Variants in CDH12 observed in about 807,000 individuals in gnomAD.
The protein encoded by CDH12 is cadherin-12.
Under a neutral mutation model 74.1 loss-of-function variants are expected in CDH12, and 41 were observed. The observed-to-expected ratio is 0.55, with a 90% CI of 0.43 to 0.72. The LOEUF (loss-of-function observed/expected upper bound fraction) is 0.72, where lower values mean the gene tolerates loss of function less well. Among genes scored for constraint, CDH12 ranks in the 30% least tolerant of loss-of-function variants. The pLI is 0.00. For missense variants in CDH12, 945 were observed against 977.2 expected, an observed-to-expected ratio of 0.97 and a Z score of 0.44; for synonymous variants, 399 against 355.0, an observed-to-expected ratio of 1.12 and a Z score of -1.39.
At chr5:22,127,664 C>A (rs1745960372) in intron 4 of CDH12, among the ~76,000 whole-genome samples, 1 of 152,134 alleles carries the variant, frequency 6.6e-6, no homozygotes, top group Non-Finnish European at 1.5e-5. Flanking sequence ...GCATCACATT[C>A]TGAAATTGCA....
At chr5:22,256,238 T>A (rs1023816590) in intron 3 of CDH12, among the ~76,000 whole-genome samples, 1 of 152,128 alleles carries the variant, frequency 6.6e-6, no homozygotes, top group African/African-American at 2.4e-5. Context: ...CTATCGTACA[T>A]CCATGTGCCA....
At chr5:22,334,287 ATTAAC>A (rs1281576254) in intron 3 of CDH12, among the ~76,000 whole-genome samples, 1 of 152,288 alleles carries the variant, frequency 6.6e-6, no homozygotes, top group South Asian at 2.1e-4. Flanking sequence ...TTAATTTGAA[ATTAAC>A]TTAATCAAAG....
At chr5:21,798,551 C>T (rs916994099) in intron 10 of CDH12, among the ~76,000 whole-genome samples, 1 of 151,986 alleles carries the variant, frequency 6.6e-6, no homozygotes, top group African/African-American at 2.4e-5. Flanking sequence ...CCCCAAAATT[C>T]ATATGTTGAA....
At chr5:22,704,013 G>A (rs76674046) in intron 1 of CDH12, among the ~76,000 whole-genome samples, 1,569 of 152,218 alleles carry the variant, frequency 0.01, 30 homozygotes, top group African/African-American at 0.036. Context: ...CACCAAAGGC[G>A]GGGACATCTA....
chr5:22,487,892 A>G (rs973087019), intron 2 of CDH12, among the ~76,000 whole-genome samples: 2 of 152,212 alleles, frequency 1.3e-5, no homozygotes, highest in African/African-American at 4.8e-5. Flanking sequence ...TTTTAACAAC[A>G]TTATGTGCTT....
At chr5:22,008,072 C>A (rs973201933) in intron 5 of CDH12, among the ~76,000 whole-genome samples, 1 of 152,092 alleles carries the variant, frequency 6.6e-6, no homozygotes, top group African/African-American at 2.4e-5. Flanking sequence ...AGACGTCCTG[C>A]TTTCCTCGCT....
In CDH12 at chr5:22,113,404, T is replaced by C. The variant is rs187526485; in HGVS notation, c.-186-34542A>G. 2.0e-4 allele frequency among the ~76,000 whole-genome samples: 30 copies of C among 152,268 alleles called. 1 individual carries two copies. The highest frequency in any genetic ancestry group is 1.9e-3 in the Admixed American group (29 of 15,294). On this transcript the variant is annotated intron_variant, in intron 4 of 14. Transcript: ENST00000382254. ...TCTAAGGGCAGCCATCAGAAGAATC[T>C]TGGTCTCCATGATCTTTCATCTTAA...
At chr5:21,970,859 A>G (rs1265500629) in intron 6 of CDH12, among the ~76,000 whole-genome samples, 4 of 148,610 alleles carry the variant, frequency 2.7e-5, no homozygotes, top group Non-Finnish European at 4.5e-5. Flanking sequence ...AAAAAAAAAA[A>G]AAAAAAAAAA....
chr5:22,157,993 G>T (rs1475585295), intron 4 of CDH12, among the ~76,000 whole-genome samples: 5 of 151,804 alleles, frequency 3.3e-5, no homozygotes, highest in African/African-American at 1.2e-4. Context: ...AATTGTCTAG[G>T]TGTAAATGAA....
At chr5:22,596,030 C>G (rs1482204868) in intron 1 of CDH12, among the ~76,000 whole-genome samples, 1 of 151,518 alleles carries the variant, frequency 6.6e-6, no homozygotes. Flanking sequence ...ATGGCACGAA[C>G]CCAGGAGGCA....
intron 4 of CDH12, among the ~76,000 whole-genome samples, chr5:22,161,660 C>G (rs2150319401): frequency 6.6e-6 from 1 of 151,368 alleles, no homozygotes; most frequent in Non-Finnish European, 1.5e-5. Context: ...CCATTGAATT[C>G]CAGCCTGGAT....
intron 4 of CDH12, among the ~76,000 whole-genome samples, chr5:22,090,163 C>CA (rs1167935510): frequency 5.3e-5 from 8 of 151,554 alleles, no homozygotes; most frequent in Admixed American, 6.6e-5. Context: ...ATAATTATTA[C>CA]AAAAAATGAA....
At chr5:22,388,952 A>G (rs944459820) in intron 3 of CDH12, among the ~76,000 whole-genome samples, 5 of 152,182 alleles carry the variant, frequency 3.3e-5, no homozygotes, top group Non-Finnish European at 5.9e-5. Flanking sequence ...GAGTTTAAAC[A>G]AATGTCCATC....
At chr5:22,192,695 G>C (rs1453763693) in intron 4 of CDH12, among the ~76,000 whole-genome samples, 1 of 152,156 alleles carries the variant, frequency 6.6e-6, no homozygotes, top group Non-Finnish European at 1.5e-5. Flanking sequence ...GATAAGCTGG[G>C]GGGATGTCAG....
chr5:21,978,881 C>A (rs553550430), intron 5 of CDH12, among the ~76,000 whole-genome samples: 1 of 152,008 alleles, frequency 6.6e-6, no homozygotes, highest in Non-Finnish European at 1.5e-5. Flanking sequence ...TTAGTGATTC[C>A]GGAAATTGAT....
intron 3 of CDH12, among the ~76,000 whole-genome samples, chr5:22,366,339 A>T (rs1198691583): frequency 6.6e-6 from 1 of 151,948 alleles, no homozygotes; most frequent in Non-Finnish European, 1.5e-5. Flanking sequence ...ATCCCCTTTA[A>T]TATACCTATA....
intron 6 of CDH12, among the ~76,000 whole-genome samples, chr5:21,938,589 T>A (rs1217337370): frequency 6.7e-6 from 1 of 149,370 alleles, no homozygotes; most frequent in Non-Finnish European, 1.5e-5. Flanking sequence ...TGAAGAAGGG[T>A]TAAATAAATC....
intron 3 of CDH12, among the ~76,000 whole-genome samples, chr5:22,222,776 C>T (rs1034436968): frequency 1.3e-5 from 2 of 151,718 alleles, no homozygotes; most frequent in African/African-American, 2.4e-5. Flanking sequence ...CTATACTCTA[C>T]TTTTACTAGC....
At chr5:22,253,475 T>G (rs1753203189) in intron 3 of CDH12, among the ~76,000 whole-genome samples, 1 of 152,096 alleles carries the variant, frequency 6.6e-6, no homozygotes, top group South Asian at 2.1e-4. Flanking sequence ...TAAAATAAAG[T>G]ACTTGTCTGA....
Sources: allele counts gnomAD v4.1 joint callset (sites outside exome capture counted in the v4.1 genomes callset), GRCh38; gene constraint gnomAD v4.1.1; transcripts MANE v1.5; gene names NCBI Gene and HGNC (gene_info 2026-07-23, HGNC 2026-07-21).